Variants in HSD17B14 observed in about 807,000 individuals in gnomAD.
HSD17B14 encodes the protein L-fucose dehydrogenase.
A neutral mutation model predicts 32.2 loss-of-function variants in HSD17B14; 32 were observed. That is an observed-to-expected ratio of 0.99 (90% CI 0.75 to 1.33). The LOEUF (loss-of-function observed/expected upper bound fraction) is 1.33. HSD17B14 is among the 40% of genes most tolerant of loss of function. The probability of loss-of-function intolerance (pLI) is 0.00; values close to 1 mark genes in which losing one functional copy is unlikely to be tolerated. For synonymous variants in HSD17B14, 140 were observed against 155.4 expected (o/e 0.90, Z 0.74); for missense variants, 370 against 366.5 (o/e 1.01, Z -0.08).
At chr19:48,828,337 A>G (rs1383117212) in intron 5 of HSD17B14, among the ~76,000 whole-genome samples, 6 of 152,146 alleles carry the variant, frequency 3.9e-5, no homozygotes, top group African/African-American at 1.4e-4. Flanking sequence ...AGAGTCCAGA[A>G]ACCAAGTAGC....
chr19:48,833,379 GA>G (rs1020995673), intron 3 of HSD17B14, among the ~76,000 whole-genome samples: 11 of 152,124 alleles, frequency 7.2e-5, no homozygotes, highest in African/African-American at 2.4e-4. Context: ...TAGGAACCCA[GA>G]AATAATGGAG....
chr19:48,818,573 T>C (rs183839422), intron 5 of HSD17B14, among the ~76,000 whole-genome samples: 2 of 152,018 alleles, frequency 1.3e-5, no homozygotes, highest in Non-Finnish European at 2.9e-5. Flanking sequence ...TCACCAGGGC[T>C]GAGACACGGA....
chr19:48,829,873 C>A (rs2035308749), intron 5 of HSD17B14, among the ~76,000 whole-genome samples: 1 of 152,042 alleles, frequency 6.6e-6, no homozygotes, highest in Non-Finnish European at 1.5e-5. Flanking sequence ...AAACTCCCGA[C>A]CTCAGGTGAT....
At chr19:48,815,952 T>C (rs1306552583) in intron 5 of HSD17B14, among the ~76,000 whole-genome samples, 13 of 131,800 alleles carry the variant, frequency 9.9e-5, no homozygotes, top group African/African-American at 5.9e-5. Context: ...ACCCGGGAGG[T>C]GGAGGTTGCA....
chr19:48,831,665 C>T lies in HSD17B14; in HGVS notation c.369+3G>A, dbSNP rs775345937. ...GCCTGGCGGCAGGGTCGCCAGCCCT[C>T]ACCTTGGTCAAGGTGTACGTCCCCA... On this transcript the variant is annotated splice_donor_region_variant and intron_variant, in intron 5 of 8. Coordinates refer to ENST00000263278, the MANE Select transcript of HSD17B14 (RefSeq NM_016246.3). 1.9e-6 allele frequency: 3 copies of T among 1,612,780 alleles called. No homozygotes were observed. Among genetic ancestry groups the T allele is most frequent in the Non-Finnish European group, 2.5e-6 (3 of 1,178,820 alleles).
In HSD17B14 at chr19:48,834,449, G is replaced by C. The variant is rs577838060; in HGVS notation, c.128-91C>G. ...GACTCCTGGGTCTGAGGGAGGAGGT[G>C]CTGGGGGCCTGGACTCCTGGGTCTG... On this transcript the variant is annotated intron_variant, in intron 2 of 8. Coordinates refer to ENST00000263278, the MANE Select transcript of HSD17B14 (RefSeq NM_016246.3). 1.2e-4 allele frequency: 85 copies of C among 691,746 alleles called. 2 individuals carry two copies. Among genetic ancestry groups the C allele is most frequent in the Middle Eastern group, 4.0e-4 (1 of 2,490 alleles). The allele number at this position is 691,746 out of a possible 1,614,324, so 42.9% of individuals were successfully genotyped here.
At chr19:48,813,836 C>T in intron 6 of HSD17B14, 106 bp from the exon 7 acceptor site, 1 of 1,281,406 alleles carries the variant, frequency 7.8e-7, no homozygotes, top group South Asian at 1.2e-5. Flanking sequence ...GGAAGTCATG[C>T]CCTCCTTGAA....
intron 2 of HSD17B14, 99 bp from the exon 3 acceptor site, chr19:48,834,457 CCT>C (rs2035423476): frequency 1.2e-5 from 7 of 579,394 alleles, no homozygotes; most frequent in Non-Finnish European, 1.7e-5. Context: ...GTGCTGGGGG[CCT>C]GGACTCCTGG....
chr19:48,819,689 C>A lies in HSD17B14; in HGVS notation c.370-4548G>T, dbSNP rs543771598. On this transcript the variant is annotated intron_variant, in intron 5 of 8. Coordinates refer to ENST00000263278, the MANE Select transcript of HSD17B14 (RefSeq NM_016246.3). ...GGCTACATTCCCTGAACGGGCCAGCCTCCAGGTCACACTCTCCCAGAACCA... is the reference window on the plus strand; with the variant it reads ...GGCTACATTCCCTGAACGGGCCAGCATCCAGGTCACACTCTCCCAGAACCA... Among the ~76,000 whole-genome samples, 4 of 152,292 alleles carry A rather than the reference C, an allele frequency of 2.6e-5. No homozygotes were observed. The South Asian group carries it at 8.3e-4, about 32-fold the overall frequency.
intron 3 of HSD17B14, 107 bp downstream of exon 3, chr19:48,834,169 C>T: frequency 2.3e-6 from 2 of 873,324 alleles, no homozygotes; most frequent in East Asian, 2.5e-5. Context: ...TCCAGCGGAG[C>T]CAGGAGAGGA....
chr19:48,820,820 T>C (rs2035133718), intron 5 of HSD17B14, among the ~76,000 whole-genome samples: 1 of 151,374 alleles, frequency 6.6e-6, no homozygotes, highest in Non-Finnish European at 1.5e-5. Context: ...CTGGGCAATA[T>C]GGCGAGACCC....
At chr19:48,829,101 G>T (rs1179683803) in intron 5 of HSD17B14, among the ~76,000 whole-genome samples, 1 of 152,022 alleles carries the variant, frequency 6.6e-6, no homozygotes, top group Non-Finnish European at 1.5e-5. Context: ...TTGTTAAAAA[G>T]CCCCTCTGGG....
chr19:48,834,389 C>T (rs1333525921), intron 2 of HSD17B14, 31 bp from the exon 3 acceptor site: 6 of 1,427,256 alleles, frequency 4.2e-6, no homozygotes, highest in African/African-American at 1.4e-5. Context: ...GGAGCCTGGA[C>T]CCCTGGGTCT....
Position 48,830,461 on chromosome 19 carries a change from C to G in HSD17B14, c.369+1207G>C, listed in dbSNP as rs1007203108. Among the ~76,000 whole-genome samples the G allele has an allele frequency of 4.2e-5, 6 of 144,504 alleles. No homozygotes were observed. In the East Asian group the frequency reaches 1.3e-3, roughly 30 times the overall value. 94.8% of individuals were successfully genotyped at this position (144,504 alleles called of 152,430 possible). A position where few individuals can be genotyped will look rare whatever the true frequency, so the allele number is the denominator to read the frequency against. ...CTTTACTTCTGTAAGATTGTTTTAA[C>G]TAGACTCCCCCCTCCCCTTTCTAAA... On this transcript the variant is annotated intron_variant, in intron 5 of 8. Coordinates refer to ENST00000263278, the MANE Select transcript of HSD17B14 (RefSeq NM_016246.3).
chr19:48,817,980 A>G (rs1434019943), intron 5 of HSD17B14, among the ~76,000 whole-genome samples: 4 of 152,152 alleles, frequency 2.6e-5, no homozygotes, highest in African/African-American at 7.2e-5. Flanking sequence ...TGAGACCCAA[A>G]CCCATAAACA....
chr19:48,827,166 A>G (rs1394962860), intron 5 of HSD17B14, among the ~76,000 whole-genome samples: 1 of 151,110 alleles, frequency 6.6e-6, no homozygotes, highest in Non-Finnish European at 1.5e-5. Flanking sequence ...CCTCAGCCTC[A>G]TAAGAAGCTG....
At chr19:48,832,198 G>C (rs992520619) in intron 4 of HSD17B14, among the ~76,000 whole-genome samples, 9 of 150,840 alleles carry the variant, frequency 6.0e-5, no homozygotes, top group African/African-American at 2.0e-4. Flanking sequence ...TGGCTAACAT[G>C]ATGAACCCCA....
At chr19:48,834,134 A>G in intron 3 of HSD17B14, 142 bp downstream of exon 3, 3 of 667,250 alleles carry the variant, frequency 4.5e-6, no homozygotes, top group Non-Finnish European at 8.1e-6. Context: ...GTGTGGAGTG[A>G]CACTGGGTGG....
At chr19:48,826,528 A>AAAAAAAAAAAATATAT (rs777368104) in intron 5 of HSD17B14, among the ~76,000 whole-genome samples, 2 of 23,096 alleles carry the variant, frequency 8.7e-5, no homozygotes, top group African/African-American at 2.3e-4. Context: ...AAAAGAAGAA[A>AAAAAAAAAAAATATAT]ATATATATAT....
Sources: allele counts gnomAD v4.1 joint callset (sites outside exome capture counted in the v4.1 genomes callset), GRCh38; gene constraint gnomAD v4.1.1; transcripts MANE v1.5; gene names NCBI Gene and HGNC (gene_info 2026-07-23, HGNC 2026-07-21).